Variants in GTF2H5 observed in about 807,000 individuals in gnomAD.
GTF2H5 encodes the protein TFB5 ortholog.
Under a neutral mutation model 7.1 loss-of-function variants are expected in GTF2H5, and 5 were observed. The ratio of observed to expected loss-of-function variants is 0.71; its 90% confidence interval spans 0.37 to 1.49. The LOEUF (loss-of-function observed/expected upper bound fraction) is 1.49. Ranked by LOEUF, GTF2H5 falls within the 40% of genes most tolerant of loss-of-function variation. The pLI is 0.03. For synonymous variants in GTF2H5, 30 were observed against 31.7 expected (o/e 0.95, Z 0.18); for missense variants, 80 against 83.0 (o/e 0.96, Z 0.14).
At chr6:158,169,697 A>ATATTGTATATTATATG (rs1562469234) in intron 1 of GTF2H5, among the ~76,000 whole-genome samples, 3 of 85,458 alleles carry the variant, frequency 3.5e-5, no homozygotes, top group Non-Finnish European at 6.4e-5. Flanking sequence ...TATATATTAT[A>ATATTGTATATTATATG]TAATATATTG....
intron 2 of GTF2H5, among the ~76,000 whole-genome samples, chr6:158,175,010 A>ATG (rs200557393): frequency 0.26 from 35,427 of 137,966 alleles, 4,503 homozygotes; most frequent in Middle Eastern, 0.35. Context: ...TGTGCCTGAG[A>ATG]TGTGTGTGTG....
rs1410534237 is a variant in GTF2H5, at chr6:158,169,373, GTATATTA to G, written c.-35+991_-35+997del. Among the ~76,000 whole-genome samples the G allele has an allele frequency of 8.6e-3, 748 of 87,342 alleles. 32 individuals are homozygous for G. Among genetic ancestry groups the G allele is most frequent in the African/African-American group, 0.036 (703 of 19,694 alleles). The allele number at this position is 87,342 out of a possible 152,430, so 57.3% of individuals were successfully genotyped here. A position where few individuals can be genotyped will look rare whatever the true frequency, so the allele number is the denominator to read the frequency against. On this transcript the variant is annotated intron_variant, in intron 1 of 2. Coordinates refer to ENST00000607778, the MANE Select transcript of GTF2H5 (RefSeq NM_207118.3). ...TATATATAATACATATATATAATAT[GTATATTA>G]TATATTATATATAATATTATATTGT...
chr6:158,184,399 C>T (rs1397236724), intron 2 of GTF2H5, among the ~76,000 whole-genome samples: 2 of 152,112 alleles, frequency 1.3e-5, no homozygotes, highest in African/African-American at 4.8e-5. Context: ...TTTCTGGGTC[C>T]AGTACTCTCT....
chr6:158,175,050 ACACACACAC>A (rs1785916012), intron 2 of GTF2H5, among the ~76,000 whole-genome samples: 1 of 120,448 alleles, frequency 8.3e-6, no homozygotes, highest in East Asian at 2.1e-4. Context: ...GTGTGTATAC[ACACACACAC>A]ACATACACAT....
rs947601416 is a variant in GTF2H5, at chr6:158,193,657, G to T, written c.*1500G>T. On this transcript the variant is annotated 3_prime_UTR_variant, in exon 3 of 3. Transcript: ENST00000607778. ...CCCTCATAGCAATGCAAAAAATTTTGATGAGTTACTACTACTAAAACTAGT... is the reference window on the plus strand; with the variant it reads ...CCCTCATAGCAATGCAAAAAATTTTTATGAGTTACTACTACTAAAACTAGT... 4 of 152,102 alleles carry T rather than the reference G, an allele frequency of 2.6e-5. No individual in the cohort carries two copies. Among genetic ancestry groups the T allele is most frequent in the African/African-American group, 9.7e-5 (4 of 41,408 alleles). The allele number at this position is 152,102 out of a possible 1,614,324, so 9.4% of individuals were successfully genotyped here.
chr6:158,181,574 G>A (rs779791934), intron 2 of GTF2H5, among the ~76,000 whole-genome samples: 2 of 152,066 alleles, frequency 1.3e-5, no homozygotes, highest in Non-Finnish European at 1.5e-5. Context: ...GTGCATATAC[G>A]TTTAGGTTAG....
At chr6:158,187,270 A>G (rs1000060920) in intron 2 of GTF2H5, among the ~76,000 whole-genome samples, 3 of 151,972 alleles carry the variant, frequency 2.0e-5, no homozygotes, top group Non-Finnish European at 4.4e-5. Flanking sequence ...TGCTGGGATT[A>G]CAGATGTGAG....
At chr6:158,183,156 A>G (rs6456058) in intron 2 of GTF2H5, among the ~76,000 whole-genome samples, 56,942 of 151,790 alleles carry the variant, frequency 0.38, 11,936 homozygotes, top group African/African-American at 0.55. Flanking sequence ...GGTCTGTTGG[A>G]GTTTGCTGGA....
Position 158,192,759 on chromosome 6 carries a change from T to C in GTF2H5, c.*602T>C, listed in dbSNP as rs545593901. The C allele has an allele frequency of 1.9e-5, 3 of 155,084 alleles. No homozygotes were observed. The highest frequency in any genetic ancestry group is 4.0e-4 in the South Asian group (2 of 5,062). The allele number at this position is 155,084 out of a possible 1,614,324, so 9.6% of individuals were successfully genotyped here. On this transcript the variant is annotated 3_prime_UTR_variant, in exon 3 of 3. Transcript: ENST00000607778. ...TTAGTTTTTCCTTGTTCAAACTTTG[T>C]TGGTCACATTTTCCCATCTGTATTC...
In GTF2H5 at chr6:158,195,588, C is replaced by A. The variant is rs1246189051; in HGVS notation, c.*3431C>A. ...TCTGATAGGCATTATAGGTGGTAAT[C>A]CAAATGATTAATGATTTTATTGCTC... is the stretch of plus-strand genomic sequence containing the variant. On this transcript the variant is annotated 3_prime_UTR_variant, in exon 3 of 3. Coordinates refer to ENST00000607778, the MANE Select transcript of GTF2H5 (RefSeq NM_207118.3). 1 of 152,160 alleles carries A rather than the reference C, an allele frequency of 6.6e-6. No homozygotes were observed. The highest frequency in any genetic ancestry group is 2.4e-5 in the African/African-American group (1 of 41,420). 9.4% of individuals were successfully genotyped at this position (152,160 alleles called of 1,614,324 possible).
chr6:158,191,026 C>T (rs1180066329), intron 2 of GTF2H5: 1 of 457,922 alleles, frequency 2.2e-6, no homozygotes, highest in Non-Finnish European at 4.3e-6. Flanking sequence ...ATTTGGACCT[C>T]TTTCCTTGAA....
intron 2 of GTF2H5, among the ~76,000 whole-genome samples, chr6:158,171,338 T>G (rs1048587147): frequency 4.6e-5 from 7 of 152,240 alleles, no homozygotes; most frequent in African/African-American, 1.7e-4. Context: ...AATCTTCATC[T>G]TCAAAGTCGA....
In GTF2H5 at chr6:158,192,272, G is replaced by A. The variant is rs1022956558; in HGVS notation, c.*115G>A. On this transcript the variant is annotated 3_prime_UTR_variant, in exon 3 of 3. Coordinates refer to ENST00000607778, the MANE Select transcript of GTF2H5 (RefSeq NM_207118.3). ...GGGTTGTTTTAGGAGCATGCCACGG[G>A]AAAGACTGAGGGATCATGATCATTT... 5 of 759,544 alleles carry A rather than the reference G, an allele frequency of 6.6e-6. No homozygotes were observed. The African/African-American group carries it at 6.9e-5, about 10-fold the overall frequency. 47.1% of individuals were successfully genotyped at this position (759,544 alleles called of 1,614,324 possible). A position where few individuals can be genotyped will look rare whatever the true frequency, so the allele number is the denominator to read the frequency against.
intron 2 of GTF2H5, among the ~76,000 whole-genome samples, chr6:158,173,767 A>T (rs566209466): frequency 2.7e-4 from 39 of 143,098 alleles, no homozygotes; most frequent in African/African-American, 9.5e-4. Flanking sequence ...GAGGGAATAA[A>T]AGGGTGGCTA....
In GTF2H5 at chr6:158,170,483, A is replaced by C. The variant is rs1421676482; in HGVS notation, c.-21A>C. 1 of 1,599,644 alleles carries C rather than the reference A, an allele frequency of 6.3e-7. No individual in the cohort carries two copies. On this transcript the variant is annotated 5_prime_UTR_variant, in exon 2 of 3. Transcript: ENST00000607778. ...TCTTTTTATTAGCATTCTTCAGGTC[A>C]TCTGAACCTTCTGAGAAAACATGGT...
At chr6:158,179,160 G>A (rs1198513229) in intron 2 of GTF2H5, among the ~76,000 whole-genome samples, 1 of 152,184 alleles carries the variant, frequency 6.6e-6, no homozygotes, top group African/African-American at 2.4e-5. Flanking sequence ...GGTGGTAGAT[G>A]TGTGGTGTTA....
At chr6:158,172,115 T>G (rs1396236560) in intron 2 of GTF2H5, among the ~76,000 whole-genome samples, 1 of 152,150 alleles carries the variant, frequency 6.6e-6, no homozygotes, top group Admixed American at 6.5e-5. Flanking sequence ...AAATATTCAC[T>G]TCTCTCTTCT....
chr6:158,181,747 C>G (rs1054571840), intron 2 of GTF2H5, among the ~76,000 whole-genome samples: 1 of 151,970 alleles, frequency 6.6e-6, no homozygotes, highest in Non-Finnish European at 1.5e-5. Context: ...TCCTCCATCC[C>G]TTTATTTTGG....
At chr6:158,169,380 A>ATATATAATACATATAATATG (rs1313610207) in intron 1 of GTF2H5, among the ~76,000 whole-genome samples, 1 of 94,928 alleles carries the variant, frequency 1.1e-5, no homozygotes, top group African/African-American at 4.8e-5. Flanking sequence ...TATGTATATT[A>ATATATAATACATATAATATG]TATATTATAT....
Sources: gnomAD v4.1 joint callset for allele counts (sites outside exome capture counted in the v4.1 genomes callset) on GRCh38, gnomAD v4.1.1 for gene constraint, MANE v1.5 for transcripts, NCBI Gene and HGNC (gene_info 2026-07-23, HGNC 2026-07-21) for gene names.